The following NUDCD3 variants were observed in gnomAD, a reference collection of about 807,000 sequenced individuals.
NUDCD3 encodes NudC domain containing 3.
NUDCD3 carries 13 observed loss-of-function variants against 39.7 expected under a neutral mutation model. The observed-to-expected ratio is 0.33, with a 90% CI of 0.21 to 0.52. The LOEUF (loss-of-function observed/expected upper bound fraction) is 0.52. Among genes scored for constraint, NUDCD3 ranks in the 20% least tolerant of loss-of-function variants. The pLI is 0.96. For missense variants in NUDCD3, 453 were observed against 458.1 expected, an observed-to-expected ratio of 0.99 and a Z score of 0.10; for synonymous variants, 175 against 172.4, an observed-to-expected ratio of 1.02 and a Z score of -0.12.
chr7:44,414,066 A>T (rs1798977660), intron 3 of NUDCD3, among the ~76,000 whole-genome samples: 1 of 152,150 alleles, frequency 6.6e-6, no homozygotes, highest in African/African-American at 2.4e-5. Context: ...AAGAAATTAG[A>T]AATACATATA....
At chr7:44,477,418 G>A (rs1242946393) in intron 2 of NUDCD3, among the ~76,000 whole-genome samples, 2 of 152,186 alleles carry the variant, frequency 1.3e-5, no homozygotes, top group East Asian at 1.9e-4. Flanking sequence ...AATTCTGCTC[G>A]TGATTTTTAA....
intron 2 of NUDCD3, chr7:44,467,867 G>A (rs372512966): frequency 5.9e-5 from 89 of 1,507,288 alleles, no homozygotes; most frequent in Middle Eastern, 5.1e-4. Context: ...CGCTGCCTAC[G>A]GAGGTGGCAG....
In NUDCD3 at chr7:44,380,896, G is replaced by A. The variant is rs1798294921; in HGVS notation, c.*5115C>T. On this transcript the variant is annotated 3_prime_UTR_variant, in exon 6 of 6. Coordinates refer to ENST00000355451, the MANE Select transcript of NUDCD3 (RefSeq NM_015332.4). The stretch of plus-strand genomic sequence containing the variant: ...CTCTGGTAGACCCTTACCTGCCTGT[G>A]TCTTGCACAAAGTGCACACTGGGAG... 6.6e-6 allele frequency: 1 copy of A among 152,330 alleles called. No homozygotes were observed. Among genetic ancestry groups the A allele is most frequent in the Non-Finnish European group, 1.5e-5 (1 of 68,106 alleles). The allele number at this position is 152,330 out of a possible 1,614,324, so 9.4% of individuals were successfully genotyped here. A position where few individuals can be genotyped will look rare whatever the true frequency, so the allele number is the denominator to read the frequency against.
rs72065068 is a variant in NUDCD3, at chr7:44,440,496, G to GAAAAAAAAAAAAAAAAAAAAAAAAAAAAA, written c.510-12794_510-12793insTTTTTTTTTTTTTTTTTTTTTTTTTTTTT. On this transcript the variant is annotated intron_variant, in intron 2 of 5. Coordinates refer to ENST00000355451, the MANE Select transcript of NUDCD3 (RefSeq NM_015332.4). ...AACTAGTGAGAAAACCAGAAAAATT[G>GAAAAAAAAAAAAAAAAAAAAAAAAAAAAA]AAAAAAAAAAAAAAAAAAAAGCCTG... Among the ~76,000 whole-genome samples the GAAAAAAAAAAAAAAAAAAAAAAAAAAAAA allele has an allele frequency of 6.0e-4, 29 of 48,372 alleles. 1 individual carries two copies. Among genetic ancestry groups the GAAAAAAAAAAAAAAAAAAAAAAAAAAAAA allele is most frequent in the Non-Finnish European group, 9.3e-4 (23 of 24,706 alleles). 31.7% of individuals were successfully genotyped at this position (48,372 alleles called of 152,430 possible). A position where few individuals can be genotyped will look rare whatever the true frequency, so the allele number is the denominator to read the frequency against.
At chr7:44,473,105 T>C (rs1245901629) in intron 2 of NUDCD3, among the ~76,000 whole-genome samples, 8 of 152,302 alleles carry the variant, frequency 5.3e-5, no homozygotes. Context: ...TAATAAGATC[T>C]ACACAGCAGA....
chr7:44,488,522 C>T (rs138055124), intron 1 of NUDCD3, among the ~76,000 whole-genome samples: 1 of 152,174 alleles, frequency 6.6e-6, no homozygotes, highest in East Asian at 1.9e-4. Context: ...ACCTTTGGCT[C>T]TTCTCTCTCC....
chr7:44,434,987 T>C (rs899495695), intron 2 of NUDCD3, among the ~76,000 whole-genome samples: 5 of 152,236 alleles, frequency 3.3e-5, no homozygotes, highest in African/African-American at 9.6e-5. Flanking sequence ...TCTTTGGCTA[T>C]GGAAAGAACT....
intron 2 of NUDCD3, among the ~76,000 whole-genome samples, chr7:44,462,031 T>C (rs560919630): frequency 1.3e-5 from 2 of 152,282 alleles, no homozygotes; most frequent in African/African-American, 2.4e-5. Flanking sequence ...TGAACCCAGG[T>C]AGTCTCCCCA....
chr7:44,407,269 T>TA (rs370365897), intron 3 of NUDCD3, among the ~76,000 whole-genome samples: 31,094 of 136,978 alleles, frequency 0.23, 3,601 homozygotes, highest in African/African-American at 0.29. Flanking sequence ...ATTTTTGTAT[T>TA]AAAAAAAAAA....
intron 3 of NUDCD3, among the ~76,000 whole-genome samples, chr7:44,424,598 A>G (rs1799199642): frequency 6.6e-6 from 1 of 152,274 alleles, no homozygotes; most frequent in Admixed American, 6.5e-5. Context: ...ATACCATCTC[A>G]TGCCAGTTAG....
rs1798296522 is a variant in NUDCD3, at chr7:44,380,984, G to C, written c.*5027C>G. On this transcript the variant is annotated 3_prime_UTR_variant, in exon 6 of 6. Coordinates refer to ENST00000355451, the MANE Select transcript of NUDCD3 (RefSeq NM_015332.4). ...AGTGCTCCGCTGGCAGGCAGACAAG[G>C]CAGGCAGGGCCCCAGCCCAATGCCT... is the stretch of plus-strand genomic sequence containing the variant. The C allele has an allele frequency of 6.6e-6, 1 of 152,334 alleles. No homozygotes were observed. The highest frequency in any genetic ancestry group is 6.5e-5 in the Admixed American group (1 of 15,290). 9.4% of individuals were successfully genotyped at this position (152,334 alleles called of 1,614,324 possible). A position where few individuals can be genotyped will look rare whatever the true frequency, so the allele number is the denominator to read the frequency against.
intron 2 of NUDCD3, among the ~76,000 whole-genome samples, chr7:44,460,218 TC>T (rs1265186342): frequency 4.6e-5 from 7 of 152,102 alleles, no homozygotes; most frequent in African/African-American, 1.7e-4. Flanking sequence ...AAGGATAATA[TC>T]CAGACTCCCA....
intron 2 of NUDCD3, among the ~76,000 whole-genome samples, chr7:44,478,803 T>C (rs996412570): frequency 1.3e-5 from 2 of 152,210 alleles, no homozygotes; most frequent in African/African-American, 4.8e-5. Context: ...CAATGTATGC[T>C]GCAACAGCTT....
chr7:44,434,548 G>C (rs143051787), intron 2 of NUDCD3, among the ~76,000 whole-genome samples: 1 of 152,272 alleles, frequency 6.6e-6, no homozygotes, highest in Non-Finnish European at 1.5e-5. Flanking sequence ...TTTACTAGCA[G>C]GGATGTGACC....
intron 2 of NUDCD3, among the ~76,000 whole-genome samples, chr7:44,430,564 ACACACT>A (rs1554491042): frequency 0.015 from 2,050 of 140,914 alleles, 26 homozygotes; most frequent in Non-Finnish European, 0.018. Flanking sequence ...CCACACACAC[ACACACT>A]CACACACACA....
rs985764221 is a variant in NUDCD3 at position 44,381,969 on chromosome 7, G to T, written c.*4042C>A. 6.6e-6 allele frequency: 1 copy of T among 152,280 alleles called. No homozygotes were observed. 9.4% of individuals were successfully genotyped at this position (152,280 alleles called of 1,614,324 possible). A position where few individuals can be genotyped will look rare whatever the true frequency, so the allele number is the denominator to read the frequency against. ...GGTCTCCCCATCACCCTCTGAGGGGGAAGCAGGAAGTTGTGAGGGGTAGCC... is the reference window on the plus strand; with the variant it reads ...GGTCTCCCCATCACCCTCTGAGGGGTAAGCAGGAAGTTGTGAGGGGTAGCC... On this transcript the variant is annotated 3_prime_UTR_variant, in exon 6 of 6. Transcript: ENST00000355451.
intron 5 of NUDCD3, among the ~76,000 whole-genome samples, chr7:44,391,830 C>A (rs1433554943): frequency 6.6e-6 from 1 of 152,236 alleles, no homozygotes; most frequent in Non-Finnish European, 1.5e-5. Context: ...TTCTCTTCCT[C>A]CTCCCTAACC....
chr7:44,464,765 T>C (rs963536021), intron 2 of NUDCD3, among the ~76,000 whole-genome samples: 2 of 152,160 alleles, frequency 1.3e-5, no homozygotes, highest in African/African-American at 4.8e-5. Flanking sequence ...ACCAAATCTT[T>C]ACATAAGCTT....
At chr7:44,456,318 C>T (rs1190534950) in intron 2 of NUDCD3, among the ~76,000 whole-genome samples, 1 of 151,884 alleles carries the variant, frequency 6.6e-6, no homozygotes, top group East Asian at 1.9e-4. Context: ...AGCAGATAAC[C>T]AGAAAGAATT....
Sources: gnomAD v4.1 joint callset for allele counts (sites outside exome capture counted in the v4.1 genomes callset) on GRCh38, gnomAD v4.1.1 for gene constraint, MANE v1.5 for transcripts, NCBI Gene and HGNC (gene_info 2026-07-23, HGNC 2026-07-21) for gene names.